PCDHGA4: variants seen among roughly 807,000 people sequenced by gnomAD.
PCDHGA4 encodes protocadherin gamma subfamily A, 4, also known as protocadherin gamma-A4.
A neutral mutation model predicts 54.6 loss-of-function variants in PCDHGA4; 38 were observed. The observed-to-expected ratio is 0.70, with a 90% CI of 0.54 to 0.91. The LOEUF is 0.91. Among genes scored for constraint, PCDHGA4 ranks in the 40% least tolerant of loss-of-function variants. PCDHGA4 has a pLI of 0.00. For synonymous variants in PCDHGA4, 511 were observed against 512.9 expected (o/e 1.00, Z 0.05); for missense variants, 1,298 against 1,220.9 (o/e 1.06, Z -0.94).
At chr5:141,374,003 C>T (rs1160076904) in intron 1 of PCDHGA4, 2 of 1,320,324 alleles carry the variant, frequency 1.5e-6, no homozygotes, top group African/African-American at 3.0e-5. Flanking sequence ...GGACCTTCAC[C>T]GCTATTTCTG....
rs1188941232 is a variant in PCDHGA4, at chr5:141,512,270, G to A, written c.*1097G>A. ...TCTGTGGGTGCTGGGTACTCCAGAG[G>A]TGCCACTGGTGGAAGGGTCAGCGGA... On this transcript the variant is annotated 3_prime_UTR_variant, in exon 4 of 4. Coordinates refer to ENST00000571252, the MANE Select transcript of PCDHGA4 (RefSeq NM_018917.4). The A allele has an allele frequency of 1.3e-5, 2 of 152,714 alleles. No individual in the cohort carries two copies. The highest frequency in any genetic ancestry group is 2.9e-5 in the Non-Finnish European group (2 of 68,100). The allele number at this position is 152,714 out of a possible 1,614,324, so 9.5% of individuals were successfully genotyped here.
chr5:141,432,104 C>T lies in PCDHGA4; in HGVS notation c.2515-62703C>T. The stretch of plus-strand genomic sequence containing the variant: ...GAACGTGGCAGACACCAACGACAAC[C>T]CGCCGGTCTTCCCTCAGGCCTCCTA... On this transcript the variant is annotated intron_variant, in intron 1 of 3. Coordinates refer to ENST00000571252, the MANE Select transcript of PCDHGA4 (RefSeq NM_018917.4). This position sits in a 1 kb window ranked among gnomAD's most constrained non-coding sequence, Gnocchi z 6.0. 1 of 1,614,204 alleles carries T rather than the reference C, an allele frequency of 6.2e-7. No individual in the cohort carries two copies. The highest frequency in any genetic ancestry group is 1.7e-5 in the Admixed American group (1 of 60,026).
chr5:141,356,170 G>T lies in PCDHGA4; in HGVS notation c.1063G>T (p.Gly355Trp), dbSNP rs528806463. The T allele has an allele frequency of 6.2e-7, 1 of 1,612,922 alleles. No homozygotes were observed. Among genetic ancestry groups the T allele is most frequent in the Non-Finnish European group, 8.5e-7 (1 of 1,179,376 alleles). ...FYDIDVEAHD[G>W]PGLRARSKVL... ...TGACATAGATGTAGAAGCCCATGAT[G>T]GGCCTGGTCTCCGAGCTAGAAGCAA... Residue 355 changes from glycine to tryptophan, a missense_variant, in exon 1 of 4, where the codon GGG becomes TGG. Transcript: ENST00000571252.
At chr5:141,459,693 C>A (rs1014443574) in intron 1 of PCDHGA4, among the ~76,000 whole-genome samples, 1 of 152,210 alleles carries the variant, frequency 6.6e-6, no homozygotes, top group African/African-American at 2.4e-5. Flanking sequence ...AAGCGTTCCG[C>A]TTGCTACATT....
At chr5:141,459,165 C>T (rs1418626354) in intron 1 of PCDHGA4, among the ~76,000 whole-genome samples, 2 of 152,130 alleles carry the variant, frequency 1.3e-5, no homozygotes, top group African/African-American at 4.8e-5. Context: ...ATTTCTATAA[C>T]CTTCAAAAGT....
At chr5:141,478,063 A>G in intron 1 of PCDHGA4, 1 of 1,614,168 alleles carries the variant, frequency 6.2e-7, no homozygotes, top group Non-Finnish European at 8.5e-7. Context: ...TCTTGATCAA[A>G]GACAATGGGG....
rs774113255 is a variant in PCDHGA4 at position 141,405,285 on chromosome 5, C to T, written c.2514+47664C>T. 3.7e-6 allele frequency: 6 copies of T among 1,614,080 alleles called. No individual in the cohort carries two copies. The Admixed American group carries it at 1.0e-4, about 27-fold the overall frequency. On this transcript the variant is annotated intron_variant, in intron 1 of 3. Coordinates refer to ENST00000571252, the MANE Select transcript of PCDHGA4 (RefSeq NM_018917.4). ...TTCCCCCAGCCCAACTATGCAGACACACTCATCAGCCAGCAGAGCTGTGAG... is the reference window on the plus strand; with the variant it reads ...TTCCCCCAGCCCAACTATGCAGACATACTCATCAGCCAGCAGAGCTGTGAG...
rs368792885 is a variant in PCDHGA4, at chr5:141,394,552, G to A, written c.2514+36931G>A. 7.4e-5 allele frequency: 119 copies of A among 1,613,952 alleles called. No homozygotes were observed. Among genetic ancestry groups the A allele is most frequent in the Admixed American group, 8.3e-5 (5 of 60,012 alleles). On this transcript the variant is annotated intron_variant, in intron 1 of 3. Transcript: ENST00000571252. ...TCCACTGGCGTGGAGCTGGCGCCCCGCTCCGCAGAGCGTGGCTACCTGGTG... is the reference window on the plus strand; with the variant it reads ...TCCACTGGCGTGGAGCTGGCGCCCCACTCCGCAGAGCGTGGCTACCTGGTG...
In PCDHGA4 at chr5:141,486,702, T is replaced by C; in HGVS notation, c.2515-8105T>C. On this transcript the variant is annotated intron_variant, in intron 1 of 3. Coordinates refer to ENST00000571252, the MANE Select transcript of PCDHGA4 (RefSeq NM_018917.4). The surrounding 1 kb of genome is among the most constrained non-coding windows in gnomAD (Gnocchi z 5.0). ...GTATCAGCTTCCTCTTTCATCTCTC[T>C]GAACCCCCAGACAGGAGCTGTTCAT... is the stretch of plus-strand genomic sequence containing the variant. 3 of 1,614,218 alleles carry C rather than the reference T, an allele frequency of 1.9e-6. No homozygotes were observed. Among genetic ancestry groups the C allele is most frequent in the Non-Finnish European group, 2.5e-6 (3 of 1,180,040 alleles).
At chr5:141,445,471 T>A (rs533909401) in intron 1 of PCDHGA4, among the ~76,000 whole-genome samples, 17 of 152,204 alleles carry the variant, frequency 1.1e-4, no homozygotes, top group Non-Finnish European at 2.4e-4. Context: ...AAGGCATATA[T>A]GATTCCTGAG....
At chr5:141,376,845 C>A (rs993126177) in intron 1 of PCDHGA4, 21 of 242,440 alleles carry the variant, frequency 8.7e-5, no homozygotes, top group Admixed American at 3.1e-4. Context: ...CGCCACCGCG[C>A]CCGGCTAATT....
chr5:141,469,354 A>G (rs1160934469), intron 1 of PCDHGA4, among the ~76,000 whole-genome samples: 1 of 152,128 alleles, frequency 6.6e-6, no homozygotes, highest in Non-Finnish European at 1.5e-5. Flanking sequence ...AGGTGGATGG[A>G]TCATGAGGTA....
At chr5:141,492,727 G>A (rs2099743408) in intron 1 of PCDHGA4, among the ~76,000 whole-genome samples, 1 of 152,274 alleles carries the variant, frequency 6.6e-6, no homozygotes, top group South Asian at 2.1e-4. Flanking sequence ...GACAGGCAGA[G>A]CTGCCCAGTG....
chr5:141,368,755 G>A (rs557718841), intron 1 of PCDHGA4, among the ~76,000 whole-genome samples: 1 of 151,984 alleles, frequency 6.6e-6, no homozygotes, highest in Non-Finnish European at 1.5e-5. Flanking sequence ...TTAAATATCT[G>A]AATCTTTAGT....
At chr5:141,371,673 A>G in intron 1 of PCDHGA4, 1 of 1,614,030 alleles carries the variant, frequency 6.2e-7, no homozygotes, top group Non-Finnish European at 8.5e-7. Flanking sequence ...AGCTACCGAC[A>G]AAGGCAATCC....
intron 1 of PCDHGA4, chr5:141,375,358 G>A (rs1436482456): frequency 1.2e-6 from 2 of 1,613,810 alleles, no homozygotes; most frequent in Non-Finnish European, 8.5e-7. Context: ...TGACAGCCAC[G>A]GACAAAGGAA....
intron 1 of PCDHGA4, chr5:141,393,176 A>G: frequency 1.9e-6 from 3 of 1,613,294 alleles, no homozygotes; most frequent in East Asian, 2.2e-5. Context: ...GGGTAGAAAT[A>G]GAAATAATTG....
At chr5:141,369,589 A>C (rs1339057936) in intron 1 of PCDHGA4, among the ~76,000 whole-genome samples, 4 of 152,238 alleles carry the variant, frequency 2.6e-5, no homozygotes, top group Non-Finnish European at 5.9e-5. Flanking sequence ...GCTTTTTACT[A>C]TACTTCTATT....
At chr5:141,462,540 T>G (rs2099042148) in intron 1 of PCDHGA4, among the ~76,000 whole-genome samples, 2 of 152,204 alleles carry the variant, frequency 1.3e-5, no homozygotes, top group Non-Finnish European at 2.9e-5. Flanking sequence ...TCAGTGATCT[T>G]TTCTTCTTCA....
Sources: allele counts gnomAD v4.1 joint callset (sites outside exome capture counted in the v4.1 genomes callset), GRCh38; gene constraint gnomAD v4.1.1; non-coding constraint Gnocchi (gnomAD v3.1); transcripts MANE v1.5; gene names NCBI Gene and HGNC (gene_info 2026-07-23, HGNC 2026-07-21).